The following POSTN variants were observed in gnomAD, a reference collection of about 807,000 sequenced individuals.
POSTN encodes osteoblast specific factor 2 (fasciclin I-like).
In POSTN, 71 loss-of-function variants were observed where a neutral mutation model predicts 104.5. The observed-to-expected ratio is 0.68, with a 90% CI of 0.56 to 0.83. The LOEUF (loss-of-function observed/expected upper bound fraction) is 0.83. Ranked by LOEUF, POSTN falls within the 40% of genes least tolerant of loss-of-function variation. The pLI, the probability that POSTN is intolerant of heterozygous loss-of-function variation, is 0.00. For missense variants in POSTN, 949 were observed against 1,006.8 expected (o/e 0.94, Z 0.78); for synonymous variants, 355 against 340.7 (o/e 1.04, Z -0.46).
At position 37,584,775 on chromosome 13, in the gene POSTN, TC is replaced by T; in HGVS notation, c.1048del (p.Asp350IlefsTer3). 2 of 1,613,942 alleles carry T rather than the reference TC, an allele frequency of 1.2e-6. No homozygotes were observed. Among genetic ancestry groups the T allele is most frequent in the Non-Finnish European group, 1.7e-6 (2 of 1,179,914 alleles). On this transcript the variant is annotated frameshift_variant, in exon 8 of 23. Transcript: ENST00000379747. LOFTEE classifies it high-confidence loss of function. ...GATCACACCATTATTTGTCACAATA[TC>T]CTTTTTGTTCACCATTTTGATTCCA... ...VNGIKMVNKK[D>X]IVTNNGVIHL...
Position 37,579,060 on chromosome 13 carries a change from T to G in POSTN, c.1853A>C (p.Asn618Thr), listed in dbSNP as rs776399576. 3.7e-6 allele frequency: 6 copies of G among 1,613,340 alleles called. No individual in the cohort carries two copies. The highest frequency in any genetic ancestry group is 5.1e-6 in the Non-Finnish European group (6 of 1,179,674). ...TTTATCTACAACATGAATTACACCA[T>G]TTGTTGTCATGATGTCAGATTCTTT... ...KSKESDIMTT[N>T]GVIHVVDKLL... The change falls in exon 14 of 23, where the codon AAT becomes ACT. Residue 618 changes from asparagine to threonine, a missense_variant. Coordinates refer to ENST00000379747, the MANE Select transcript of POSTN (RefSeq NM_006475.3).
In POSTN at chr13:37,578,923, A is replaced by C. The variant is rs1950497814; in HGVS notation, c.1895-12T>G. On this transcript the variant is annotated splice_polypyrimidine_tract_variant and intron_variant, in intron 14 of 22. Transcript: ENST00000379747. ...TCCAACAGGTGTGTCTATGAAGAGA[A>C]ATATTAAATGAATATTGGTAAGAAA... The C allele has an allele frequency of 1.3e-6, 2 of 1,594,670 alleles. No homozygotes were observed. The highest frequency in any genetic ancestry group is 1.7e-6 in the Non-Finnish European group (2 of 1,174,794).
chr13:37,582,274 C>A, intron 10 of POSTN, 92 bp downstream of exon 10: 1 of 1,395,208 alleles, frequency 7.2e-7, no homozygotes. Flanking sequence ...ACTATTAGAA[C>A]CACACTCATA....
Position 37,586,894 on chromosome 13 carries a change from C to G in POSTN, c.641G>C (p.Gly214Ala), listed in dbSNP as rs771949669. Residue 214 changes from glycine to alanine, a missense_variant, in exon 6 of 23, where the codon GGG becomes GCG. Physicochemically the swap from Gly to Ala is moderately conservative, Grantham distance 60 (BLOSUM62 0). Coordinates refer to ENST00000379747, the MANE Select transcript of POSTN (RefSeq NM_006475.3). ...AACACCATTTGTTGCAATCTGGTTC[C>G]CATGGATGATTCGAGCACAATTAAC... ...VTVNCARIIH[G>A]NQIATNGVVH... is the part of the protein sequence containing the mutation. 6.2e-7 allele frequency: 1 copy of G among 1,613,234 alleles called. No individual in the cohort carries two copies. Among genetic ancestry groups the G allele is most frequent in the Admixed American group, 1.7e-5 (1 of 59,936 alleles).
chr13:37,569,565 A>C (rs948176452), intron 20 of POSTN, 179 bp downstream of exon 20: 1 of 798,406 alleles, frequency 1.3e-6, no homozygotes, highest in South Asian at 1.4e-5. Flanking sequence ...TGAACAAAAT[A>C]CTGTATAAAA....
intron 12 of POSTN, 125 bp from the exon 13 acceptor site, chr13:37,579,484 T>C: frequency 2.4e-6 from 2 of 819,472 alleles, no homozygotes; most frequent in Non-Finnish European, 3.8e-6. Flanking sequence ...CATTATTCTC[T>C]CAAGTAGATA....
intron 15 of POSTN, among the ~76,000 whole-genome samples, chr13:37,578,558 G>C (rs1950481111): frequency 6.6e-6 from 1 of 152,078 alleles, no homozygotes. Context: ...GGCACTTTAG[G>C]AGGCTGAGGC....
chr13:37,594,992 GA>G (rs1160578776), intron 2 of POSTN, among the ~76,000 whole-genome samples: 3 of 149,474 alleles, frequency 2.0e-5, no homozygotes, highest in African/African-American at 7.4e-5. Context: ...TTGAACAAAG[GA>G]GACACTGTTA....
At chr13:37,578,937 A>T (rs1950498293) in intron 14 of POSTN, 26 bp from the exon 15 acceptor site, 2 of 1,594,446 alleles carry the variant, frequency 1.3e-6, no homozygotes, top group East Asian at 2.2e-5. Context: ...TTAAATGAAT[A>T]TTGGTAAGAA....
chr13:37,570,736 G>C, intron 18 of POSTN, 67 bp from the exon 19 acceptor site: 1 of 965,430 alleles, frequency 1.0e-6, no homozygotes, highest in Admixed American at 1.9e-5. Flanking sequence ...CCATAAGCTA[G>C]ACATTGTAAT....
chr13:37,580,925 G>C (rs1357468420), intron 10 of POSTN, among the ~76,000 whole-genome samples: 2 of 152,038 alleles, frequency 1.3e-5, no homozygotes, highest in African/African-American at 4.8e-5. Flanking sequence ...TTATGGATCA[G>C]GCAGGTAATT....
At chr13:37,589,612 G>A (rs1043313286) in intron 4 of POSTN, among the ~76,000 whole-genome samples, 6 of 152,106 alleles carry the variant, frequency 3.9e-5, no homozygotes, top group African/African-American at 1.2e-4. Flanking sequence ...AAAGGAACTG[G>A]AGAGGTGGTT....
At chr13:37,588,591 A>G (rs779406964) in intron 4 of POSTN, among the ~76,000 whole-genome samples, 6 of 152,196 alleles carry the variant, frequency 3.9e-5, no homozygotes, top group African/African-American at 2.4e-5. Context: ...CAGGGCTCCA[A>G]TAAGAAAGAA....
Position 37,579,132 on chromosome 13 carries a change from A to C in POSTN, c.1792-11T>G. On this transcript the variant is annotated splice_polypyrimidine_tract_variant and intron_variant, in intron 13 of 22. Transcript: ENST00000379747. Reference sequence around the variant, plus strand: ...AAGTGTATCATTTACCTATCAAAATAGGAGGCAATTTCAATGAGGAAATTT... The same window carrying C: ...AAGTGTATCATTTACCTATCAAAATCGGAGGCAATTTCAATGAGGAAATTT... The C allele has an allele frequency of 6.2e-7, 1 of 1,610,238 alleles. No homozygotes were observed. Among genetic ancestry groups the C allele is most frequent in the Non-Finnish European group, 8.5e-7 (1 of 1,177,272 alleles).
chr13:37,580,876 T>C (rs746861677), intron 10 of POSTN, among the ~76,000 whole-genome samples, 179 bp from the exon 11 acceptor site: 1 of 152,168 alleles, frequency 6.6e-6, no homozygotes, highest in Non-Finnish European at 1.5e-5. Context: ...ACAAGACACT[T>C]CTTATCTAGC....
At chr13:37,590,840 T>C (rs576794791) in intron 3 of POSTN, among the ~76,000 whole-genome samples, 1 of 152,260 alleles carries the variant, frequency 6.6e-6, no homozygotes, top group African/African-American at 2.4e-5. Flanking sequence ...TAATTCAATA[T>C]TATCTGTTAT....
chr13:37,586,130 T>G lies in POSTN; in HGVS notation c.895+9A>C. 1.9e-6 allele frequency: 3 copies of G among 1,608,776 alleles called. No individual in the cohort carries two copies. The highest frequency in any genetic ancestry group is 3.3e-4 in the Middle Eastern group (2 of 6,012). On this transcript the variant is annotated intron_variant, in intron 7 of 22. Coordinates refer to ENST00000379747, the MANE Select transcript of POSTN (RefSeq NM_006475.3). ...GGGAGACTCCTTAGAGATGAAGACA[T>G]TAAACTACCTTCGGAAGCCACTTTG...
At chr13:37,597,368 G>T in intron 1 of POSTN, 86 bp from the exon 2 acceptor site, 2 of 788,032 alleles carry the variant, frequency 2.5e-6, no homozygotes, top group Non-Finnish European at 4.0e-6. Context: ...AGAAGAAAAT[G>T]TTGAGATGTG....
chr13:37,567,451 A>T (rs148802507), intron 21 of POSTN, among the ~76,000 whole-genome samples: 129 of 152,104 alleles, frequency 8.5e-4, no homozygotes, highest in Middle Eastern at 3.4e-3. Flanking sequence ...ACAAGGGGAT[A>T]CTTGTGACTC....
Sources: allele counts gnomAD v4.1 joint callset (sites outside exome capture counted in the v4.1 genomes callset), GRCh38; gene constraint gnomAD v4.1.1; transcripts MANE v1.5; gene names NCBI Gene and HGNC (gene_info 2026-07-23, HGNC 2026-07-21).